GALNT13: variants seen among roughly 807,000 people sequenced by gnomAD.
The protein encoded by GALNT13 is polypeptide N-acetylgalactosaminyltransferase 13, also known as UDP-GalNAc:polypeptide N-acetylgalactosaminyltransferase 13.
Under a neutral mutation model 64.2 loss-of-function variants are expected in GALNT13, and 28 were observed. The ratio of observed to expected loss-of-function variants is 0.44; its 90% CI spans 0.32 to 0.60. The LOEUF (loss-of-function observed/expected upper bound fraction) is 0.60, where lower values mean the gene tolerates loss of function less well. Ranked by LOEUF, GALNT13 falls within the 20% of genes least tolerant of loss-of-function variation. GALNT13 has a pLI of 0.05. For missense variants in GALNT13, 577 were observed against 669.8 expected, an observed-to-expected ratio of 0.86 and a Z score of 1.53; for synonymous variants, 214 against 224.6, an observed-to-expected ratio of 0.95 and a Z score of 0.42.
At chr2:153,938,933 C>G (rs1429838251) in intron 2 of GALNT13, among the ~76,000 whole-genome samples, 1 of 152,008 alleles carries the variant, frequency 6.6e-6, no homozygotes, top group Non-Finnish European at 1.5e-5. Flanking sequence ...CAATTCAGCC[C>G]ATAACAACAA....
intron 1 of GALNT13, among the ~76,000 whole-genome samples, chr2:153,898,524 C>A (rs72863651): frequency 0.077 from 11,687 of 151,930 alleles, 513 homozygotes; most frequent in East Asian, 0.13. Context: ...ACATAGTATG[C>A]CTATCAATCC....
At chr2:154,420,735 A>T (rs182001987) in intron 11 of GALNT13, among the ~76,000 whole-genome samples, 1 of 152,226 alleles carries the variant, frequency 6.6e-6, no homozygotes, top group Non-Finnish European at 1.5e-5. Flanking sequence ...AGCACTCTAT[A>T]ATAGATAATA....
the GALNT13 span, among the ~76,000 whole-genome samples, chr2:153,228,733 C>T: frequency 6.6e-6 from 1 of 151,890 alleles, no homozygotes; most frequent in African/African-American, 2.4e-5. Context: ...GTTAGCTGGG[C>T]ATGGTGGTGT....
At chr2:154,247,939 G>A (rs1022982749) in intron 7 of GALNT13, among the ~76,000 whole-genome samples, 1 of 152,074 alleles carries the variant, frequency 6.6e-6, no homozygotes, top group African/African-American at 2.4e-5. Context: ...TAGCTGTAAT[G>A]TGAACGTTCC....
chr2:153,146,154 C>A, the GALNT13 span, among the ~76,000 whole-genome samples: 1 of 151,120 alleles, frequency 6.6e-6, no homozygotes, highest in African/African-American at 2.4e-5. Context: ...CAAACAAACA[C>A]CAGTCTTTTA....
chr2:154,225,129 T>C (rs1688526844), intron 4 of GALNT13, among the ~76,000 whole-genome samples: 4 of 109,430 alleles, frequency 3.7e-5, no homozygotes, highest in African/African-American at 1.3e-4. Context: ...GATAGATAGA[T>C]AGATAGATAG....
intron 11 of GALNT13, among the ~76,000 whole-genome samples, chr2:154,417,512 TA>T (rs1700068698): frequency 2.1e-5 from 3 of 143,134 alleles, no homozygotes; most frequent in South Asian, 2.1e-4. Context: ...TTTATTTATT[TA>T]TTTATTTATT....
At chr2:153,092,251 A>C in the GALNT13 span, among the ~76,000 whole-genome samples, 1 of 152,112 alleles carries the variant, frequency 6.6e-6, no homozygotes, top group Non-Finnish European at 1.5e-5. Context: ...GTGGCTCTAG[A>C]GTATAATTTG....
chr2:154,289,809 C>T (rs1692496034), intron 8 of GALNT13, among the ~76,000 whole-genome samples: 1 of 152,186 alleles, frequency 6.6e-6, no homozygotes, highest in South Asian at 2.1e-4. Context: ...GTTCCAGTTT[C>T]TTATTTTCTT....
chr2:153,594,225 A>T, the GALNT13 span, among the ~76,000 whole-genome samples: 1,615 of 152,246 alleles, frequency 0.011, 25 homozygotes, highest in African/African-American at 0.037. Flanking sequence ...ATTAATTCCC[A>T]TTATAAGCCA....
the GALNT13 span, among the ~76,000 whole-genome samples, chr2:153,560,631 A>C: frequency 6.6e-6 from 1 of 152,178 alleles, no homozygotes; most frequent in Admixed American, 6.5e-5. Flanking sequence ...TCATGACTAA[A>C]TTCTATACAT....
At chr2:153,943,347 A>T (rs1691476172) in intron 2 of GALNT13, among the ~76,000 whole-genome samples, 1 of 152,082 alleles carries the variant, frequency 6.6e-6, no homozygotes, top group African/African-American at 2.4e-5. Flanking sequence ...TTCTAAACAC[A>T]CATTTATTGT....
chr2:153,588,480 G>A, the GALNT13 span, among the ~76,000 whole-genome samples: 2,750 of 152,292 alleles, frequency 0.018, 84 homozygotes, highest in African/African-American at 0.063. Flanking sequence ...CATGCAAGCT[G>A]CCAAAACTTG....
At chr2:154,000,832 A>C (rs1366855075) in intron 3 of GALNT13, among the ~76,000 whole-genome samples, 1 of 151,970 alleles carries the variant, frequency 6.6e-6, no homozygotes, top group Non-Finnish European at 1.5e-5. Context: ...GTTTAACTGC[A>C]GTGTTTCTTT....
At chr2:153,534,995 T>G in the GALNT13 span, among the ~76,000 whole-genome samples, 2 of 151,802 alleles carry the variant, frequency 1.3e-5, no homozygotes, top group Non-Finnish European at 2.9e-5. Flanking sequence ...AGTGTTGAAG[T>G]GTTGAAGTGT....
At chr2:153,946,236 A>C (rs1691732482) in intron 3 of GALNT13, among the ~76,000 whole-genome samples, 1 of 152,144 alleles carries the variant, frequency 6.6e-6, no homozygotes, top group African/African-American at 2.4e-5. Context: ...AAAATGTAAT[A>C]ATCTGATTCA....
intron 3 of GALNT13, among the ~76,000 whole-genome samples, chr2:154,108,224 C>T (rs1216251732): frequency 6.6e-6 from 1 of 151,464 alleles, no homozygotes; most frequent in Non-Finnish European, 1.5e-5. Flanking sequence ...TACATTCCCA[C>T]CAAGAGCGTA....
At chr2:154,154,186 G>A (rs1466930623) in intron 4 of GALNT13, among the ~76,000 whole-genome samples, 1 of 152,150 alleles carries the variant, frequency 6.6e-6, no homozygotes, top group Non-Finnish European at 1.5e-5. Flanking sequence ...AAAAATTAGA[G>A]TTCACAGCAA....
chr2:153,144,423 C>A, the GALNT13 span, among the ~76,000 whole-genome samples: 5 of 151,848 alleles, frequency 3.3e-5, no homozygotes, highest in Admixed American at 6.6e-5. Context: ...TCCTATGCAA[C>A]CTTCTTAAGT....
Sources: gnomAD v4.1 joint callset for allele counts (sites outside exome capture counted in the v4.1 genomes callset) on GRCh38, gnomAD v4.1.1 for gene constraint, MANE v1.5 for transcripts, NCBI Gene and HGNC (gene_info 2026-07-23, HGNC 2026-07-21) for gene names.